The following MRPS21 variants were observed in gnomAD, a reference collection of about 807,000 sequenced individuals.
MRPS21 encodes small ribosomal subunit protein bS21m.
A neutral mutation model predicts 9.9 loss-of-function variants in MRPS21; 8 were observed. That is an observed-to-expected ratio of 0.81 (90% CI 0.47 to 1.45). The LOEUF (loss-of-function observed/expected upper bound fraction) is 1.45, where lower values mean the gene tolerates loss of function less well. Ranked by LOEUF, MRPS21 falls within the 40% of genes most tolerant of loss-of-function variation. The probability of loss-of-function intolerance (pLI) is 0.00; values close to 1 mark genes in which losing one functional copy is unlikely to be tolerated. For synonymous variants in MRPS21, 40 were observed against 40.3 expected (o/e 0.99, Z 0.03); for missense variants, 101 against 118.9 (o/e 0.85, Z 0.70).
rs587624432 is a variant in MRPS21, at chr1:150,299,110, G to A, written c.83+4661G>A. 1.4e-4 allele frequency among the ~76,000 whole-genome samples: 21 copies of A among 152,262 alleles called. No individual in the cohort carries two copies. The South Asian group carries it at 2.1e-3, about 15-fold the overall frequency. On this transcript the variant is annotated intron_variant, in intron 2 of 2. Coordinates refer to ENST00000614145, the MANE Select transcript of MRPS21 (RefSeq NM_031901.6). Reference sequence around the variant, plus strand: ...ACAGGTCTGTAATCCCAGCTACTCCGTAGGCTGAGGCAGAAGAGCCGCTTG... The same window carrying A: ...ACAGGTCTGTAATCCCAGCTACTCCATAGGCTGAGGCAGAAGAGCCGCTTG...
intron 2 of MRPS21, chr1:150,305,074 G>C: frequency 3.1e-6 from 1 of 326,544 alleles, no homozygotes; most frequent in Non-Finnish European, 5.9e-6. Flanking sequence ...TGCTTGCCCA[G>C]GCTGGAGTGC....
At chr1:150,307,048 C>T (rs1354125611) in intron 2 of MRPS21, among the ~76,000 whole-genome samples, 4 of 20,364 alleles carry the variant, frequency 2.0e-4, no homozygotes, top group Non-Finnish European at 3.4e-4. Context: ...TTTATTTCCC[C>T]AATTTTTTTT....
In MRPS21 at chr1:150,308,324, A is replaced by C; in HGVS notation, c.*96A>C. The C allele has an allele frequency of 3.9e-6, 5 of 1,268,940 alleles. No homozygotes were observed. The highest frequency in any genetic ancestry group is 5.4e-6 in the Non-Finnish European group (5 of 931,298). 78.6% of individuals were successfully genotyped at this position (1,268,940 alleles called of 1,614,324 possible). On this transcript the variant is annotated 3_prime_UTR_variant, in exon 3 of 3. Transcript: ENST00000614145. ...CCCATTTCCTATTACCATTCTCTGC[A>C]ATAAACTCAAATCACATGTCTGCAA...
At chr1:150,297,115 C>A (rs1454671193) in intron 2 of MRPS21, among the ~76,000 whole-genome samples, 3 of 151,114 alleles carry the variant, frequency 2.0e-5, no homozygotes, top group Admixed American at 2.0e-4. Context: ...CACGGTGAAA[C>A]CCCGTCTCTA....
At chr1:150,299,135 G>C (rs587728082) in intron 2 of MRPS21, among the ~76,000 whole-genome samples, 2 of 152,292 alleles carry the variant, frequency 1.3e-5, no homozygotes, top group Admixed American at 1.3e-4. Flanking sequence ...AGAGCCGCTT[G>C]AACCTGGGAG....
At chr1:150,303,889 T>A (rs1553858022) in intron 2 of MRPS21, 1 of 456,076 alleles carries the variant, frequency 2.2e-6, no homozygotes, top group Non-Finnish European at 4.4e-6. Flanking sequence ...ATTTTTGGCA[T>A]ACATTTCCTA....
At chr1:150,298,260 C>T (rs1469235136) in intron 2 of MRPS21, among the ~76,000 whole-genome samples, 1 of 152,112 alleles carries the variant, frequency 6.6e-6, no homozygotes, top group African/African-American at 2.4e-5. Context: ...TAGGTAACAT[C>T]CAGACCCTGC....
At chr1:150,305,979 T>C (rs1332968133) in intron 2 of MRPS21, among the ~76,000 whole-genome samples, 1 of 152,172 alleles carries the variant, frequency 6.6e-6, no homozygotes, top group Non-Finnish European at 1.5e-5. Flanking sequence ...CCCTCTCCTT[T>C]GTGATTTAAT....
intron 2 of MRPS21, among the ~76,000 whole-genome samples, chr1:150,302,820 A>G (rs1654195570): frequency 6.6e-6 from 1 of 151,888 alleles, no homozygotes; most frequent in Non-Finnish European, 1.5e-5. Context: ...TACTATAGGG[A>G]CTCTGGGGCA....
chr1:150,308,076 G>T lies in MRPS21; in HGVS notation c.112G>T (p.Asp38Tyr). 6.3e-7 allele frequency: 1 copy of T among 1,596,132 alleles called. No individual in the cohort carries two copies. The highest frequency in any genetic ancestry group is 1.1e-5 in the South Asian group (1 of 90,676). Reference sequence around the variant, plus strand: ...CCTCACTATGGATGGGCTCATTGAGGACATTAAGCATCGGCGGTATTATGA... The same window carrying T: ...CCTCACTATGGATGGGCTCATTGAGTACATTAAGCATCGGCGGTATTATGA... The part of the protein sequence containing the change: ...RILTMDGLIE[D>Y]IKHRRYYEKP... The change falls in exon 3 of 3, where the codon GAC becomes TAC. Residue 38 changes from aspartate to tyrosine, a missense_variant. By Grantham distance (160) the Asp-to-Tyr change is radical. Coordinates refer to ENST00000614145, the MANE Select transcript of MRPS21 (RefSeq NM_031901.6).
chr1:150,296,754 A>T (rs114286538), intron 2 of MRPS21, among the ~76,000 whole-genome samples: 12,026 of 124,220 alleles, frequency 0.097, 650 homozygotes, highest in Admixed American at 0.2. Context: ...GTTCTTTAAT[A>T]ATTATTACTA....
intron 2 of MRPS21, among the ~76,000 whole-genome samples, chr1:150,294,996 AT>A (rs1449221647): frequency 0.024 from 3,316 of 136,496 alleles, 64 homozygotes; most frequent in African/African-American, 0.079. Context: ...TTTAATTTTA[AT>A]TTTTTTTTTT....
In MRPS21 at chr1:150,294,450, G is replaced by A. The variant is rs1653840291; in HGVS notation, c.83+1G>A. The A allele has an allele frequency of 1.2e-6, 2 of 1,607,450 alleles. No homozygotes were observed. The highest frequency in any genetic ancestry group is 1.3e-5 in the African/African-American group (1 of 74,858). ...AAAGCGCATACAGGACCCTAAACAG[G>A]TAACTGTTAAGGGACCAGAATCATG... is the stretch of plus-strand genomic sequence containing the variant. On this transcript the variant is annotated splice_donor_variant, in intron 2 of 2. Coordinates refer to ENST00000614145, the MANE Select transcript of MRPS21 (RefSeq NM_031901.6). LOFTEE classifies it high-confidence loss of function.
chr1:150,305,994 C>G (rs587667252), intron 2 of MRPS21, among the ~76,000 whole-genome samples: 1 of 152,304 alleles, frequency 6.6e-6, no homozygotes, highest in South Asian at 2.1e-4. Flanking sequence ...TTTAATTGGA[C>G]TGGGTGTGGC....
intron 2 of MRPS21, among the ~76,000 whole-genome samples, chr1:150,296,199 T>C (rs12747669): frequency 0.47 from 71,766 of 151,952 alleles, 17,983 homozygotes; most frequent in East Asian, 0.76. Flanking sequence ...CCACCCGCCT[T>C]GGCCTCCCAA....
At chr1:150,301,071 C>T (rs1236733798) in intron 2 of MRPS21, 1 of 152,458 alleles carries the variant, frequency 6.6e-6, no homozygotes, top group Admixed American at 6.5e-5. Context: ...CGCGGTGGCT[C>T]ATGCCTGTAA....
At chr1:150,302,514 T>C (rs2101908757) in intron 2 of MRPS21, among the ~76,000 whole-genome samples, 1 of 152,320 alleles carries the variant, frequency 6.6e-6, no homozygotes, top group South Asian at 2.1e-4. Context: ...GTAGACTGGC[T>C]ACACTGACAT....
At chr1:150,302,341 GAGA>G (rs1290679990) in intron 2 of MRPS21, among the ~76,000 whole-genome samples, 1 of 152,136 alleles carries the variant, frequency 6.6e-6, no homozygotes, top group Non-Finnish European at 1.5e-5. Context: ...GCCCCGGGAT[GAGA>G]AGGTGGAGAG....
chr1:150,303,170 CT>C (rs1654208204), intron 2 of MRPS21, among the ~76,000 whole-genome samples: 1 of 152,160 alleles, frequency 6.6e-6, no homozygotes, highest in Non-Finnish European at 1.5e-5. Context: ...TTGTTTCATC[CT>C]ACTTTTAAAC....
Sources: allele counts gnomAD v4.1 joint callset (sites outside exome capture counted in the v4.1 genomes callset), GRCh38; gene constraint gnomAD v4.1.1; transcripts MANE v1.5; gene names NCBI Gene and HGNC (gene_info 2026-07-23, HGNC 2026-07-21).